PAFAH2: variants seen among roughly 807,000 people sequenced by gnomAD.
The protein encoded by PAFAH2 is platelet activating factor acetylhydrolase 2, also known as platelet-activating factor acetylhydrolase 2, cytoplasmic.
A neutral mutation model predicts 49.0 loss-of-function variants in PAFAH2; 42 were observed. The ratio of observed to expected loss-of-function variants is 0.86; its 90% CI spans 0.67 to 1.11. PAFAH2 has a LOEUF of 1.11. Ranked by LOEUF, PAFAH2 falls within the 50% of genes least tolerant of loss-of-function variation. The pLI is 0.00. For missense variants in PAFAH2, 503 were observed against 501.8 expected, an observed-to-expected ratio of 1.00 and a Z score of -0.02; for synonymous variants, 184 against 181.3, an observed-to-expected ratio of 1.01 and a Z score of -0.12.
intron 7 of PAFAH2, among the ~76,000 whole-genome samples, chr1:25,980,613 A>ATATATATG (rs1557522592): frequency 7.6e-6 from 1 of 132,302 alleles, no homozygotes; most frequent in African/African-American, 3.2e-5. Context: ...GGCCATATTT[A>ATATATATG]TATATATATA....
intron 6 of PAFAH2, 67 bp downstream of exon 6, chr1:25,983,879 T>C (rs2049734537): frequency 6.5e-7 from 1 of 1,543,706 alleles, no homozygotes; most frequent in Non-Finnish European, 8.9e-7. Flanking sequence ...CTAAAAGTCT[T>C]GCTATCAAAT....
At chr1:25,965,133 G>C (rs1025330618) in intron 10 of PAFAH2, among the ~76,000 whole-genome samples, 3 of 152,056 alleles carry the variant, frequency 2.0e-5, no homozygotes, top group Non-Finnish European at 4.4e-5. Context: ...ACTGATCTTT[G>C]TCAAAGTCAA....
At chr1:25,995,831 T>C (rs2049929468) in intron 1 of PAFAH2, among the ~76,000 whole-genome samples, 1 of 152,240 alleles carries the variant, frequency 6.6e-6, no homozygotes, top group African/African-American at 2.4e-5. Context: ...TCTATCTGCA[T>C]GCTTTCCCCA....
At chr1:25,967,633 C>G (rs545114138) in intron 10 of PAFAH2, among the ~76,000 whole-genome samples, 1 of 152,162 alleles carries the variant, frequency 6.6e-6, no homozygotes, top group South Asian at 2.1e-4. Flanking sequence ...CACTGGGCAC[C>G]CTGACAATAG....
intron 1 of PAFAH2, among the ~76,000 whole-genome samples, chr1:25,995,934 G>C (rs1217072107): frequency 6.6e-6 from 1 of 152,138 alleles, no homozygotes; most frequent in African/African-American, 2.4e-5. Flanking sequence ...CTAAAAATAA[G>C]GCTATATGAA....
chr1:25,997,657 A>T (rs985689890), intron 1 of PAFAH2: 2 of 152,438 alleles, frequency 1.3e-5, no homozygotes, highest in Non-Finnish European at 2.9e-5. Context: ...ACTGAGAGTA[A>T]GAGTAAAGTA....
rs369110493 is a variant in PAFAH2 at position 25,963,834 on chromosome 1, G to T, written c.1085-1751C>A. Among the ~76,000 whole-genome samples, 26 of 152,320 alleles carry T rather than the reference G, an allele frequency of 1.7e-4. No homozygotes were observed. In the East Asian group the frequency reaches 4.4e-3, roughly 26 times the overall value. On this transcript the variant is annotated intron_variant, in intron 10 of 10. Coordinates refer to ENST00000374282, the MANE Select transcript of PAFAH2 (RefSeq NM_000437.4). The stretch of plus-strand genomic sequence containing the variant: ...GTTTTAAAAAGGGTGGTCAGGGTGG[G>T]CCTCACTGAGAAGGTGAGATTTGAG...
intron 10 of PAFAH2, among the ~76,000 whole-genome samples, chr1:25,962,969 T>C (rs999695970): frequency 7.9e-5 from 12 of 152,024 alleles, no homozygotes; most frequent in Admixed American, 7.9e-4. Flanking sequence ...GACAGCAACA[T>C]CATGGAGCAG....
rs2124305963 is a variant in PAFAH2, at chr1:25,961,383, A to G, written c.*606T>C. ...ATGCTGTCTGCCACTCTGTGGGCTCACAAGTATAACTTACTACTGTAAGTA... is the reference window on the plus strand; with the variant it reads ...ATGCTGTCTGCCACTCTGTGGGCTCGCAAGTATAACTTACTACTGTAAGTA... On this transcript the variant is annotated 3_prime_UTR_variant, in exon 11 of 11. Coordinates refer to ENST00000374282, the MANE Select transcript of PAFAH2 (RefSeq NM_000437.4). 1 of 152,300 alleles carries G rather than the reference A, an allele frequency of 6.6e-6. No homozygotes were observed. Among genetic ancestry groups the G allele is most frequent in the South Asian group, 2.1e-4 (1 of 4,832 alleles). 9.4% of individuals were successfully genotyped at this position (152,300 alleles called of 1,614,324 possible).
intron 8 of PAFAH2, among the ~76,000 whole-genome samples, chr1:25,976,471 T>C (rs1204729348): frequency 6.6e-6 from 1 of 152,192 alleles, no homozygotes; most frequent in East Asian, 1.9e-4. Context: ...CACTTGGTCA[T>C]GGGGATTTTA....
chr1:25,974,007 C>A (rs889663027), intron 9 of PAFAH2, among the ~76,000 whole-genome samples: 1 of 152,190 alleles, frequency 6.6e-6, no homozygotes, highest in African/African-American at 2.4e-5. Flanking sequence ...TGTGGCTTCT[C>A]TTGACCAGAA....
chr1:25,972,797 T>C, intron 9 of PAFAH2, 85 bp from the exon 10 acceptor site: 1 of 1,312,942 alleles, frequency 7.6e-7, no homozygotes, highest in South Asian at 1.3e-5. Flanking sequence ...TGCAAGGTGC[T>C]TTTCATGTAT....
chr1:25,972,782 C>A, intron 9 of PAFAH2, 70 bp from the exon 10 acceptor site: 2 of 1,495,396 alleles, frequency 1.3e-6, no homozygotes, highest in Non-Finnish European at 1.9e-6. Context: ...TAGGCACCTA[C>A]TATGTGCAAG....
At position 25,976,712 on chromosome 1, in the gene PAFAH2, A is replaced by G; in HGVS notation, c.728T>C (p.Ile243Thr). 6.2e-7 allele frequency: 1 copy of G among 1,614,224 alleles called. No homozygotes were observed. Among genetic ancestry groups the G allele is most frequent in the African/African-American group, 1.3e-5 (1 of 75,076 alleles). Residue 243 changes from isoleucine to threonine, a missense_variant, in exon 8 of 11, where the codon ATT becomes ACT. Physicochemically the swap from Ile to Thr is moderately conservative, Grantham distance 89. Transcript: ENST00000374282. The stretch of plus-strand genomic sequence containing the variant: ...TTGGGTCTCCTTGGCCAAAGCCAGA[A>G]TAGCTGTGGCCCCTCCAAATGAATG... The part of the protein sequence containing the change: ...MGHSFGGATA[I>T]LALAKETQFR...
intron 7 of PAFAH2, 74 bp downstream of exon 7, chr1:25,982,290 A>T: frequency 9.5e-7 from 1 of 1,050,176 alleles, no homozygotes; most frequent in Non-Finnish European, 1.5e-6. Flanking sequence ...CATACCAGTT[A>T]GTTAGGTTTC....
chr1:25,980,401 C>A (rs1044532235), intron 7 of PAFAH2, among the ~76,000 whole-genome samples: 1 of 151,800 alleles, frequency 6.6e-6, no homozygotes. Flanking sequence ...TGGCTCACTG[C>A]AACCTCCGCC....
At chr1:25,996,023 TCA>T (rs2049931759) in intron 1 of PAFAH2, among the ~76,000 whole-genome samples, 2 of 152,288 alleles carry the variant, frequency 1.3e-5, no homozygotes, top group African/African-American at 2.4e-5. Context: ...AACAAGTTCC[TCA>T]AACTCTAAGC....
intron 10 of PAFAH2, among the ~76,000 whole-genome samples, chr1:25,965,456 G>C (rs1281658163): frequency 6.6e-6 from 1 of 152,072 alleles, no homozygotes. Context: ...AGAGTAAATA[G>C]ACAACCTACA....
intron 2 of PAFAH2, among the ~76,000 whole-genome samples, chr1:25,990,182 G>C (rs907631651): frequency 6.6e-6 from 1 of 152,094 alleles, no homozygotes. Context: ...TAGGAGAGTC[G>C]CTTGAGGCCA....
Sources: allele counts gnomAD v4.1 joint callset (sites outside exome capture counted in the v4.1 genomes callset), GRCh38; gene constraint gnomAD v4.1.1; transcripts MANE v1.5; gene names NCBI Gene and HGNC (gene_info 2026-07-23, HGNC 2026-07-21).